Variants in TMEM260 observed in about 807,000 individuals in gnomAD.
TMEM260 encodes protein O-mannosyl-transferase TMEM260.
TMEM260 carries 82 observed loss-of-function variants against 88.9 expected under a neutral mutation model. The observed-to-expected ratio is 0.92, with a 90% confidence interval of 0.77 to 1.11. The LOEUF (loss-of-function observed/expected upper bound fraction) is 1.11, where lower values mean the gene tolerates loss of function less well. Ranked by LOEUF, TMEM260 falls within the 50% of genes least tolerant of loss-of-function variation. TMEM260 has a pLI of 0.00. For missense variants in TMEM260, 902 were observed against 853.4 expected, an observed-to-expected ratio of 1.06 and a Z score of -0.71; for synonymous variants, 314 against 309.3, an observed-to-expected ratio of 1.02 and a Z score of -0.16.
At chr14:56,584,936 T>C (rs988975321) in intron 1 of TMEM260, 65 bp from the exon 2 acceptor site, 19 of 1,420,978 alleles carry the variant, frequency 1.3e-5, no homozygotes, top group Non-Finnish European at 1.8e-5. Context: ...CATTTGGATT[T>C]TGAAAACTTT....
upstream of TMEM260, chr14:56,579,771 A>G (rs980469200): frequency 8.4e-6 from 6 of 710,810 alleles, no homozygotes; most frequent in East Asian, 1.7e-4. Flanking sequence ...CAGGCGGAGA[A>G]AGGTGCGGTC....
chr14:56,609,342 G>A lies in TMEM260; in HGVS notation c.816+57G>A, dbSNP rs1237443693. On this transcript the variant is annotated intron_variant, in intron 6 of 15. Transcript: ENST00000261556. ...ACAAGTGGCAAAACTTCAGTGCTCT[G>A]CCTGGGCCTTGATTAAAAAAACAAT... 4.0e-6 allele frequency: 6 copies of A among 1,491,538 alleles called. No homozygotes were observed. In the Admixed American group the frequency reaches 1.1e-4, roughly 28 times the overall value. 92.4% of individuals were successfully genotyped at this position (1,491,538 alleles called of 1,614,324 possible).
At position 56,584,988 on chromosome 14, in the gene TMEM260, T is replaced by C. The variant is rs547285058; in HGVS notation, c.161-13T>C. The C allele has an allele frequency of 6.2e-6, 10 of 1,609,750 alleles. No homozygotes were observed. The South Asian group carries it at 1.1e-4, about 18-fold the overall frequency. On this transcript the variant is annotated splice_polypyrimidine_tract_variant and intron_variant, in intron 1 of 15. Coordinates refer to ENST00000261556, the MANE Select transcript of TMEM260 (RefSeq NM_017799.4). ...CTAATAGTAATTATTGGTTTTACAT[T>C]ATTTTTTCACAGGGGAACTGATCAC...
At chr14:56,627,046 A>C (rs891812687) in intron 12 of TMEM260, among the ~76,000 whole-genome samples, 1 of 151,954 alleles carries the variant, frequency 6.6e-6, no homozygotes, top group Non-Finnish European at 1.5e-5. Flanking sequence ...ATTGTTGGCT[A>C]ATATTCTCAT....
In TMEM260 at chr14:56,634,882, T is replaced by C. The variant is rs1195856472; in HGVS notation, c.1725-17T>C. 1.9e-6 allele frequency: 3 copies of C among 1,608,314 alleles called. No individual in the cohort carries two copies. Among genetic ancestry groups the C allele is most frequent in the East Asian group, 2.2e-5 (1 of 44,848 alleles). ...AGTGGGTGACAGAAAGATATTACTG[T>C]TTTCTTGTAACTACAGGTTTGATCC... On this transcript the variant is annotated splice_polypyrimidine_tract_variant and intron_variant, in intron 13 of 15. Coordinates refer to ENST00000261556, the MANE Select transcript of TMEM260 (RefSeq NM_017799.4).
At chr14:56,634,494 T>G (rs1171560481) in intron 13 of TMEM260, among the ~76,000 whole-genome samples, 1 of 152,198 alleles carries the variant, frequency 6.6e-6, no homozygotes, top group Non-Finnish European at 1.5e-5. Flanking sequence ...TATTTCAAGA[T>G]TCATCTTATT....
At chr14:56,643,871 CAGAG>C (rs1438643107) in intron 15 of TMEM260, among the ~76,000 whole-genome samples, 1 of 152,256 alleles carries the variant, frequency 6.6e-6, no homozygotes, top group African/African-American at 2.4e-5. Flanking sequence ...CAGTAACAGA[CAGAG>C]AGGCAAATCA....
intron 9 of TMEM260, 48 bp from the exon 10 acceptor site, chr14:56,618,546 A>G: frequency 6.4e-7 from 1 of 1,556,624 alleles, no homozygotes; most frequent in Non-Finnish European, 8.8e-7. Context: ...GCTGATTGAT[A>G]GCATTAAATA....
chr14:56,615,527 G>C (rs938028275), intron 7 of TMEM260: 1 of 153,446 alleles, frequency 6.5e-6, no homozygotes, highest in African/African-American at 2.4e-5. Flanking sequence ...CTTCATATTA[G>C]ATCTCCAGAA....
At position 56,579,824 on chromosome 14, in the gene TMEM260, A is replaced by T. The variant is rs1019710289; in HGVS notation, c.-91A>T. 1.7e-5 allele frequency: 20 copies of T among 1,173,996 alleles called. No homozygotes were observed. In the African/African-American group the frequency reaches 2.7e-4, roughly 16 times the overall value. The allele number at this position is 1,173,996 out of a possible 1,614,324, so 72.7% of individuals were successfully genotyped here. A position where few individuals can be genotyped will look rare whatever the true frequency, so the allele number is the denominator to read the frequency against. On this transcript the variant is annotated 5_prime_UTR_variant, in exon 1 of 16. Transcript: ENST00000261556. ...ACCCGGAAGCCGCCGTGGCCGCCGC[A>T]CAAGCTGCGCTCGTCTCTCGGCTGG...
At chr14:56,623,263 G>C (rs1315385688) in intron 11 of TMEM260, among the ~76,000 whole-genome samples, 2 of 152,178 alleles carry the variant, frequency 1.3e-5, no homozygotes, top group African/African-American at 2.4e-5. Context: ...GATAATATGA[G>C]CAGTTCAGGG....
At chr14:56,594,908 G>T (rs1566532951) in intron 3 of TMEM260, among the ~76,000 whole-genome samples, 1 of 152,072 alleles carries the variant, frequency 6.6e-6, no homozygotes, top group Non-Finnish European at 1.5e-5. Context: ...TCTTTCCAGG[G>T]GAAAAATTTT....
In TMEM260 at chr14:56,585,858, T is replaced by G; in HGVS notation, c.290T>G (p.Leu97Arg). The G allele has an allele frequency of 6.2e-7, 1 of 1,613,628 alleles. No individual in the cohort carries two copies. Among genetic ancestry groups the G allele is most frequent in the Non-Finnish European group, 8.5e-7 (1 of 1,179,724 alleles). ...FGSIAYRVNL[L>R]CGLFGAVAAS... Reference sequence around the variant, plus strand: ...TCAATTGCCTACCGCGTCAATCTTCTCTGTGGCTTATTTGGAGCAGTAGCT... The same window carrying G: ...TCAATTGCCTACCGCGTCAATCTTCGCTGTGGCTTATTTGGAGCAGTAGCT... Residue 97 changes from leucine to arginine, a missense_variant, in exon 3 of 16, where the codon CTC (leucine) becomes CGC (arginine). Physicochemically the swap from Leu to Arg is moderately radical, Grantham distance 102. Coordinates refer to ENST00000261556, the MANE Select transcript of TMEM260 (RefSeq NM_017799.4).
chr14:56,617,724 T>C (rs1027904344), intron 9 of TMEM260, among the ~76,000 whole-genome samples: 16 of 152,250 alleles, frequency 1.1e-4, no homozygotes, highest in Non-Finnish European at 1.9e-4. Context: ...CAGCAGTCTC[T>C]GAGATTAGAG....
rs1890065231 is a variant in TMEM260 at position 56,647,884 on chromosome 14, G to C, written c.*387G>C. ...ATCAGTTTTAAAGTTAAATTCTTTTGATATTAATACCAGACCAAAGACATT... is the reference window on the plus strand; with the variant it reads ...ATCAGTTTTAAAGTTAAATTCTTTTCATATTAATACCAGACCAAAGACATT... On this transcript the variant is annotated 3_prime_UTR_variant, in exon 16 of 16. Coordinates refer to ENST00000261556, the MANE Select transcript of TMEM260 (RefSeq NM_017799.4). The C allele has an allele frequency of 6.2e-6, 1 of 161,360 alleles. No homozygotes were observed. Among genetic ancestry groups the C allele is most frequent in the African/African-American group, 2.4e-5 (1 of 41,362 alleles). 10.0% of individuals were successfully genotyped at this position (161,360 alleles called of 1,614,324 possible).
Position 56,647,810 on chromosome 14 carries a change from A to T in TMEM260, c.*313A>T, listed in dbSNP as rs571459358. On this transcript the variant is annotated 3_prime_UTR_variant, in exon 16 of 16. Transcript: ENST00000261556. Reference sequence around the variant, plus strand: ...TTCTAGAAGAGAATGAACCATTTTCATATAACTAAATATTGGTCATGAACT... The same window carrying T: ...TTCTAGAAGAGAATGAACCATTTTCTTATAACTAAATATTGGTCATGAACT... 261 of 281,688 alleles carry T rather than the reference A, an allele frequency of 9.3e-4. 2 individuals are homozygous for T. Among genetic ancestry groups the T allele is most frequent in the African/African-American group, 5.1e-3 (226 of 44,420 alleles). 17.4% of individuals were successfully genotyped at this position (281,688 alleles called of 1,614,324 possible).
intron 3 of TMEM260, among the ~76,000 whole-genome samples, chr14:56,586,272 C>T (rs192759609): frequency 6.6e-5 from 10 of 152,166 alleles, no homozygotes; most frequent in East Asian, 5.8e-4. Context: ...GTATTGCTGA[C>T]GAGCAGCTGC....
chr14:56,609,201 C>T lies in TMEM260; in HGVS notation c.732C>T (p.His244=), dbSNP rs750802545. ...VHLPISSYLN[H]ARWTWGDQTT... is the part of the protein sequence containing the mutation. Reference sequence around the variant, plus strand: ...TTCCCATCTCATCTTACCTTAATCACGCCCGGTGGACCTGGGGAGACCAGA... The same window carrying T: ...TTCCCATCTCATCTTACCTTAATCATGCCCGGTGGACCTGGGGAGACCAGA... Residue 244 remains histidine (H), a synonymous_variant, in exon 6 of 16, where the codon CAC becomes CAT. Transcript: ENST00000261556. 25 of 1,614,030 alleles carry T rather than the reference C, an allele frequency of 1.5e-5. No homozygotes were observed. Among genetic ancestry groups the T allele is most frequent in the Admixed American group, 1.0e-4 (6 of 59,994 alleles).
Position 56,605,664 on chromosome 14 carries a change from T to G in TMEM260, c.617T>G (p.Phe206Cys). 1.3e-6 allele frequency: 2 copies of G among 1,575,106 alleles called. No homozygotes were observed. The highest frequency in any genetic ancestry group is 1.7e-6 in the Non-Finnish European group (2 of 1,161,988). Residue 206 changes from phenylalanine to cysteine, a missense_variant, in exon 5 of 16, where the codon TTT becomes TGT. Physicochemically the swap from Phe to Cys is radical, Grantham distance 205. Transcript: ENST00000261556. ...TTGTGCATAATACCTTGGATTCTCT[T>G]TCAACTTTTAAAAAAGAAGGTACGT... ...YVLCIIPWIL[F>C]QLLKKKELSL... is the part of the protein sequence containing the mutation.
Sources: allele counts gnomAD v4.1 joint callset (sites outside exome capture counted in the v4.1 genomes callset), GRCh38; gene constraint gnomAD v4.1.1; transcripts MANE v1.5; gene names NCBI Gene and HGNC (gene_info 2026-07-23, HGNC 2026-07-21).